The following KCNG3 variants were observed in gnomAD, a reference collection of about 807,000 sequenced individuals.
KCNG3 encodes the protein potassium voltage-gated channel modifier subfamily G member 3, also known as voltage-gated potassium channel regulatory subunit KCNG3.
In KCNG3, 15 loss-of-function variants were observed where a neutral mutation model predicts 29.0. That is an observed-to-expected ratio of 0.52 (90% CI 0.35 to 0.80). The LOEUF is 0.80. Ranked by LOEUF, KCNG3 falls within the 30% of genes least tolerant of loss-of-function variation. The pLI, the probability that KCNG3 is intolerant of heterozygous loss-of-function variation, is 0.01. For synonymous variants in KCNG3, 322 were observed against 248.9 expected (o/e 1.29, Z -2.76); for missense variants, 512 against 605.7 (o/e 0.85, Z 1.62).
chr2:42,492,545 G>A (rs188647915), intron 1 of KCNG3, among the ~76,000 whole-genome samples: 21 of 152,360 alleles, frequency 1.4e-4, no homozygotes, highest in African/African-American at 4.6e-4. Context: ...CTGCGCAAAA[G>A]TAAACTACAA....
chr2:42,393,061 C>A, the KCNG3 span, among the ~76,000 whole-genome samples: 5 of 152,002 alleles, frequency 3.3e-5, no homozygotes, highest in South Asian at 1.0e-3. Context: ...TAACTTTGGG[C>A]AAAATAGCTA....
chr2:42,464,287 G>C (rs1330216334), intron 1 of KCNG3, among the ~76,000 whole-genome samples: 1 of 152,140 alleles, frequency 6.6e-6, no homozygotes, highest in Admixed American at 6.6e-5. Flanking sequence ...GGTTGGTCTA[G>C]AACTGCTGGC....
the KCNG3 span, among the ~76,000 whole-genome samples, chr2:42,396,042 C>A: frequency 5.3e-5 from 8 of 152,330 alleles, no homozygotes; most frequent in Non-Finnish European, 7.3e-5. Context: ...AGAACACTTG[C>A]ATTAGCCAAC....
chr2:42,395,974 T>A, the KCNG3 span, among the ~76,000 whole-genome samples: 1 of 152,096 alleles, frequency 6.6e-6, no homozygotes, highest in Non-Finnish European at 1.5e-5. Flanking sequence ...GAATATGCAC[T>A]TAATACCCCT....
chr2:42,488,708 C>T (rs1308852978), intron 1 of KCNG3, among the ~76,000 whole-genome samples: 1 of 152,004 alleles, frequency 6.6e-6, no homozygotes, highest in Non-Finnish European at 1.5e-5. Flanking sequence ...CACCACCACG[C>T]TCAGCTAATT....
intron 1 of KCNG3, among the ~76,000 whole-genome samples, chr2:42,451,571 G>A (rs927811928): frequency 6.6e-6 from 1 of 151,228 alleles, no homozygotes; most frequent in African/African-American, 2.4e-5. Flanking sequence ...CTAAAAATAC[G>A]AAAATTAGCT....
At chr2:42,465,898 A>G (rs1673131019) in intron 1 of KCNG3, among the ~76,000 whole-genome samples, 1 of 152,328 alleles carries the variant, frequency 6.6e-6, no homozygotes, top group South Asian at 2.1e-4. Context: ...CATCAGAGAA[A>G]TTAACACCAC....
the KCNG3 span, among the ~76,000 whole-genome samples, chr2:42,414,471 C>T: frequency 5.3e-5 from 8 of 151,912 alleles, no homozygotes; most frequent in Non-Finnish European, 8.8e-5. Flanking sequence ...TCTGTCTTTA[C>T]CTCCTGGTAG....
chr2:42,476,838 G>T (rs1673438787), intron 1 of KCNG3, among the ~76,000 whole-genome samples: 3 of 150,680 alleles, frequency 2.0e-5, no homozygotes, highest in Admixed American at 2.0e-4. Flanking sequence ...ATATAACTTT[G>T]CAAAAGAATT....
the KCNG3 span, among the ~76,000 whole-genome samples, chr2:42,413,309 T>A: frequency 1.3e-5 from 2 of 152,198 alleles, no homozygotes; most frequent in Non-Finnish European, 2.9e-5. Context: ...ATAAATAGTA[T>A]TTTTAAAATC....
intron 1 of KCNG3, among the ~76,000 whole-genome samples, chr2:42,490,640 C>T (rs188721749): frequency 1.3e-5 from 2 of 152,238 alleles, no homozygotes; most frequent in East Asian, 3.9e-4. Flanking sequence ...TTTGGAACAC[C>T]AGCAGTGCCT....
At chr2:42,467,262 G>A (rs549232526) in intron 1 of KCNG3, among the ~76,000 whole-genome samples, 38 of 152,162 alleles carry the variant, frequency 2.5e-4, no homozygotes, top group African/African-American at 5.8e-4. Context: ...GATGCATACC[G>A]GGTCCAGATG....
intron 1 of KCNG3, among the ~76,000 whole-genome samples, chr2:42,481,503 C>G (rs2103729392): frequency 6.6e-6 from 1 of 152,300 alleles, no homozygotes; most frequent in South Asian, 2.1e-4. Context: ...CACATGCAGA[C>G]CAAAGCGACC....
At chr2:42,422,544 G>A in the KCNG3 span, among the ~76,000 whole-genome samples, 3 of 152,040 alleles carry the variant, frequency 2.0e-5, no homozygotes, top group Non-Finnish European at 2.9e-5. Flanking sequence ...TAAAATCAGT[G>A]TGGTAATGTA....
the KCNG3 span, among the ~76,000 whole-genome samples, chr2:42,434,328 C>T: frequency 6.6e-6 from 1 of 151,434 alleles, no homozygotes; most frequent in Non-Finnish European, 1.5e-5. Context: ...TGGTGGTACA[C>T]ACTTGTGCTT....
At chr2:42,404,269 G>C in the KCNG3 span, among the ~76,000 whole-genome samples, 9 of 151,330 alleles carry the variant, frequency 5.9e-5, no homozygotes, top group South Asian at 1.3e-3. Flanking sequence ...ATTGTTGATA[G>C]TATTCTTTTC....
At chr2:42,485,206 C>T (rs1422553858) in intron 1 of KCNG3, among the ~76,000 whole-genome samples, 1 of 151,930 alleles carries the variant, frequency 6.6e-6, no homozygotes. Context: ...CAAAGCAATA[C>T]CAATTAAAGA....
chr2:42,422,375 C>A, the KCNG3 span, among the ~76,000 whole-genome samples: 1 of 152,034 alleles, frequency 6.6e-6, no homozygotes, highest in Non-Finnish European at 1.5e-5. Flanking sequence ...GCTAGAAGGC[C>A]CTCACCAGAG....
chr2:42,463,945 A>G, intron 1 of KCNG3: 1 of 335,544 alleles, frequency 3.0e-6, no homozygotes, highest in Non-Finnish European at 6.0e-6. Flanking sequence ...GCCCTTGGTG[A>G]ACACATCCCT....
Sources: allele counts gnomAD v4.1 joint callset (sites outside exome capture counted in the v4.1 genomes callset), GRCh38; gene constraint gnomAD v4.1.1; transcripts MANE v1.5; gene names NCBI Gene and HGNC (gene_info 2026-07-23, HGNC 2026-07-21).